The following GPC5 variants were observed in gnomAD, a reference collection of about 807,000 sequenced individuals.
GPC5 encodes the protein glypican-5.
A neutral mutation model predicts 53.9 loss-of-function variants in GPC5; 47 were observed. The observed-to-expected ratio is 0.87, with a 90% CI of 0.69 to 1.11. GPC5 has a LOEUF of 1.11. Ranked by LOEUF, GPC5 falls within the 50% of genes most tolerant of loss-of-function variation. The pLI is 0.00. For synonymous variants in GPC5, 286 were observed against 263.3 expected (o/e 1.09, Z -0.84); for missense variants, 748 against 713.1 (o/e 1.05, Z -0.56).
At chr13:92,320,138 G>A (rs1394084269) in intron 7 of GPC5, among the ~76,000 whole-genome samples, 1 of 152,048 alleles carries the variant, frequency 6.6e-6, no homozygotes, top group Admixed American at 6.6e-5. Flanking sequence ...TTATACATTA[G>A]GATTAAAAGT....
chr13:92,788,467 G>A (rs1264290466), intron 7 of GPC5, among the ~76,000 whole-genome samples: 1 of 152,058 alleles, frequency 6.6e-6, no homozygotes, highest in South Asian at 2.1e-4. Context: ...GTGGCAATTA[G>A]AAATCATCAT....
chr13:91,609,150 A>C (rs1273248058), intron 2 of GPC5, among the ~76,000 whole-genome samples: 1 of 150,634 alleles, frequency 6.6e-6, no homozygotes, highest in African/African-American at 2.4e-5. Flanking sequence ...TATCACTGCA[A>C]ATTCCAGTTA....
intron 7 of GPC5, among the ~76,000 whole-genome samples, chr13:92,518,724 C>T (rs1480353567): frequency 3.0e-4 from 45 of 152,206 alleles, no homozygotes; most frequent in Non-Finnish European, 4.3e-4. Flanking sequence ...CATCAACTAA[C>T]GAGCAAAATA....
intron 2 of GPC5, among the ~76,000 whole-genome samples, chr13:91,572,349 A>G (rs1367554209): frequency 6.6e-6 from 1 of 151,796 alleles, no homozygotes; most frequent in African/African-American, 2.4e-5. Flanking sequence ...GACAGTCTGT[A>G]TCTGTTCGTT....
chr13:91,810,365 A>G (rs1225360569), intron 5 of GPC5, among the ~76,000 whole-genome samples: 2 of 151,996 alleles, frequency 1.3e-5, no homozygotes, highest in Non-Finnish European at 2.9e-5. Context: ...AGGGCACAGT[A>G]TTTGAATATT....
At chr13:92,404,323 G>A (rs771081114) in intron 7 of GPC5, among the ~76,000 whole-genome samples, 5 of 152,108 alleles carry the variant, frequency 3.3e-5, no homozygotes, top group Non-Finnish European at 5.9e-5. Context: ...TCATGTTGAC[G>A]TCTGTGTCAC....
intron 7 of GPC5, among the ~76,000 whole-genome samples, chr13:92,674,700 T>C (rs1886875767): frequency 6.6e-6 from 1 of 152,100 alleles, no homozygotes; most frequent in South Asian, 2.1e-4. Flanking sequence ...ATCTTCTTCT[T>C]TCTGTTGAAT....
intron 2 of GPC5, among the ~76,000 whole-genome samples, chr13:91,597,030 G>A (rs1377311170): frequency 6.6e-6 from 1 of 152,036 alleles, no homozygotes; most frequent in Non-Finnish European, 1.5e-5. Context: ...AATCTTCCTG[G>A]CTCTGCATGA....
chr13:91,804,772 A>C (rs1211639620), intron 5 of GPC5, among the ~76,000 whole-genome samples: 1 of 152,200 alleles, frequency 6.6e-6, no homozygotes, highest in Non-Finnish European at 1.5e-5. Flanking sequence ...CAGGTTTGGC[A>C]GGGCAAAAGT....
At chr13:92,392,035 A>T (rs1594162466) in intron 7 of GPC5, among the ~76,000 whole-genome samples, 1 of 152,212 alleles carries the variant, frequency 6.6e-6, no homozygotes, top group African/African-American at 2.4e-5. Context: ...GAGAGCAGAT[A>T]TGTGGCCTGT....
intron 7 of GPC5, among the ~76,000 whole-genome samples, chr13:92,796,572 A>G (rs1193826218): frequency 6.6e-6 from 1 of 151,940 alleles, no homozygotes; most frequent in Non-Finnish European, 1.5e-5. Flanking sequence ...AGATAAGAAC[A>G]TTACCAATCT....
intron 7 of GPC5, among the ~76,000 whole-genome samples, chr13:92,797,246 C>A (rs1395551048): frequency 6.6e-6 from 1 of 151,888 alleles, no homozygotes; most frequent in Non-Finnish European, 1.5e-5. Context: ...AAATGTAAAA[C>A]CTGTTTTTAA....
chr13:92,049,729 T>G (rs1366127679), intron 6 of GPC5, among the ~76,000 whole-genome samples: 1 of 152,174 alleles, frequency 6.6e-6, no homozygotes, highest in East Asian at 1.9e-4. Context: ...TAATTTGGGA[T>G]GCTAGATGAA....
chr13:92,245,447 A>G lies in GPC5; in HGVS notation c.1561+100458A>G, dbSNP rs561589688. On this transcript the variant is annotated intron_variant, in intron 7 of 7. Transcript: ENST00000377067. ...AATAAGTTCGAAAAGTAAAAAATTA[A>G]TCTGTTTTATTCACTATTATATTCC... is the stretch of plus-strand genomic sequence containing the variant. 5.9e-5 allele frequency among the ~76,000 whole-genome samples: 9 copies of G among 152,338 alleles called. No individual in the cohort carries two copies. In the East Asian group the frequency reaches 1.5e-3, roughly 26 times the overall value.
chr13:92,194,914 T>C (rs2042246936), intron 7 of GPC5, among the ~76,000 whole-genome samples: 1 of 152,186 alleles, frequency 6.6e-6, no homozygotes. Flanking sequence ...AGACTTCTTT[T>C]ATCAGGAAAA....
chr13:91,481,478 G>T (rs951919254), intron 2 of GPC5, among the ~76,000 whole-genome samples: 4 of 152,090 alleles, frequency 2.6e-5, no homozygotes, highest in African/African-American at 9.7e-5. Flanking sequence ...ATTTTGTCTT[G>T]TGCCATTATA....
In GPC5 at chr13:92,462,997, C is replaced by A. The variant is rs375417729; in HGVS notation, c.1561+318008C>A. On this transcript the variant is annotated intron_variant, in intron 7 of 7. Transcript: ENST00000377067. ...AGCATGGCAAAGACGAAGCACATAC[C>A]CTGCAAGAGGACATCTATTTTTTTC... Among the ~76,000 whole-genome samples, 7 of 152,024 alleles carry A rather than the reference C, an allele frequency of 4.6e-5. No individual in the cohort carries two copies. The East Asian group carries it at 9.7e-4, about 21-fold the overall frequency.
At chr13:92,699,038 G>A (rs965376700) in intron 7 of GPC5, among the ~76,000 whole-genome samples, 1 of 152,150 alleles carries the variant, frequency 6.6e-6, no homozygotes, top group African/African-American at 2.4e-5. Flanking sequence ...GCATTTGGCT[G>A]TGAATCCGTC....
intron 7 of GPC5, among the ~76,000 whole-genome samples, chr13:92,311,541 A>T (rs948764106): frequency 3.3e-5 from 5 of 152,236 alleles, no homozygotes; most frequent in African/African-American, 9.6e-5. Context: ...AAGAAGTTTA[A>T]TTGACTCACA....
Sources: allele counts gnomAD v4.1 joint callset (sites outside exome capture counted in the v4.1 genomes callset), GRCh38; gene constraint gnomAD v4.1.1; transcripts MANE v1.5; gene names NCBI Gene and HGNC (gene_info 2026-07-23, HGNC 2026-07-21).